TMEM178B: variants seen among roughly 807,000 people sequenced by gnomAD.
TMEM178B encodes the protein transmembrane protein 178B.
In TMEM178B, 5 loss-of-function variants were observed where a neutral mutation model predicts 31.0. The ratio of observed to expected loss-of-function variants is 0.16; its 90% confidence interval spans 0.08 to 0.34. TMEM178B has a LOEUF of 0.34. TMEM178B is among the 10% of genes least tolerant of loss of function. TMEM178B has a pLI of 1.00. For missense variants in TMEM178B, 275 were observed against 400.3 expected (o/e 0.69, Z 2.67); for synonymous variants, 164 against 164.0 (o/e 1.00, Z 0.00).
intron 2 of TMEM178B, among the ~76,000 whole-genome samples, chr7:141,369,081 C>T (rs560933628): frequency 1.4e-4 from 21 of 152,278 alleles, no homozygotes; most frequent in African/African-American, 4.6e-4. Flanking sequence ...GTTTGCAAGC[C>T]ATGGAAAGAA....
In TMEM178B at chr7:141,476,419, G is replaced by A. The variant is rs1195113364; in HGVS notation, c.*5633G>A. ...GCTAAACCAGTTAACTGTTAACCAA[G>A]GCACATGGTCAATGCCTTAGTATTT... On this transcript the variant is annotated 3_prime_UTR_variant, in exon 4 of 4. Transcript: ENST00000565468. 6.6e-6 allele frequency: 1 copy of A among 152,036 alleles called. No homozygotes were observed. Among genetic ancestry groups the A allele is most frequent in the Non-Finnish European group, 1.5e-5 (1 of 68,016 alleles). 9.4% of individuals were successfully genotyped at this position (152,036 alleles called of 1,614,324 possible).
In TMEM178B at chr7:141,470,764, C is replaced by A. The variant is rs1419089711; in HGVS notation, c.863C>A (p.Pro288His). The change falls in exon 4 of 4, where the codon CCC becomes CAC. Residue 288 changes from proline to histidine, a missense_variant. Coordinates refer to ENST00000565468, the MANE Select transcript of TMEM178B (RefSeq NM_001195278.2). Reference sequence around the variant, plus strand: ...AGGACCAACTACCCTAAATCCAGACCCGAGAATGGGACAGTGTGCTAAAAA... The same window carrying A: ...AGGACCAACTACCCTAAATCCAGACACGAGAATGGGACAGTGTGCTAAAAA... ...VPRTNYPKSR[P>H]ENGTVC 2 of 1,522,016 alleles carry A rather than the reference C, an allele frequency of 1.3e-6. No homozygotes were observed. Among genetic ancestry groups the A allele is most frequent in the Non-Finnish European group, 1.8e-6 (2 of 1,140,498 alleles). 94.3% of individuals were successfully genotyped at this position (1,522,016 alleles called of 1,614,324 possible).
chr7:141,218,210 C>T (rs1351396826), intron 2 of TMEM178B, among the ~76,000 whole-genome samples: 1 of 152,026 alleles, frequency 6.6e-6, no homozygotes, highest in Non-Finnish European at 1.5e-5. Context: ...CTCGCCTTCA[C>T]CAGCACAGTG....
At chr7:141,105,892 A>G (rs1384506374) in intron 1 of TMEM178B, among the ~76,000 whole-genome samples, 1 of 151,804 alleles carries the variant, frequency 6.6e-6, no homozygotes, top group Non-Finnish European at 1.5e-5. Context: ...CTCAGGAGTT[A>G]GAGACCAGCC....
intron 1 of TMEM178B, among the ~76,000 whole-genome samples, chr7:141,097,961 T>C (rs181798744): frequency 3.4e-4 from 51 of 151,938 alleles, no homozygotes; most frequent in African/African-American, 1.0e-3. Context: ...CTGGCTAATT[T>C]TTGTATTTTT....
the TMEM178B span, among the ~76,000 whole-genome samples, chr7:141,489,967 G>T: frequency 2.8e-4 from 43 of 152,338 alleles, no homozygotes; most frequent in South Asian, 7.9e-3. Flanking sequence ...TTGCTCATTT[G>T]TATAGGGGTT....
intron 1 of TMEM178B, among the ~76,000 whole-genome samples, chr7:141,132,831 A>T (rs1198135652): frequency 6.6e-6 from 1 of 152,210 alleles, no homozygotes; most frequent in Non-Finnish European, 1.5e-5. Flanking sequence ...TTGGGATCCA[A>T]GGACTGACAA....
At chr7:141,270,557 T>C (rs1408823283) in intron 2 of TMEM178B, among the ~76,000 whole-genome samples, 1 of 152,230 alleles carries the variant, frequency 6.6e-6, no homozygotes, top group Non-Finnish European at 1.5e-5. Context: ...GTTGTTTCAC[T>C]ACCTTGAATG....
chr7:141,432,841 A>T (rs1444681051), intron 2 of TMEM178B, among the ~76,000 whole-genome samples: 2 of 152,032 alleles, frequency 1.3e-5, no homozygotes, highest in African/African-American at 4.8e-5. Flanking sequence ...CACTGAGTGA[A>T]CCCCAGTTCA....
chr7:141,185,485 C>T (rs1796596134), intron 1 of TMEM178B, among the ~76,000 whole-genome samples: 1 of 152,186 alleles, frequency 6.6e-6, no homozygotes, highest in Non-Finnish European at 1.5e-5. Flanking sequence ...AGGTCAGTGG[C>T]CTGCTGGCAT....
intron 1 of TMEM178B, among the ~76,000 whole-genome samples, chr7:141,095,237 G>C (rs1794938639): frequency 6.6e-6 from 1 of 152,212 alleles, no homozygotes; most frequent in South Asian, 2.1e-4. Context: ...AGTGGAGCAG[G>C]TGGTGTATCA....
chr7:141,364,810 G>T (rs1799976177), intron 2 of TMEM178B, among the ~76,000 whole-genome samples: 1 of 152,158 alleles, frequency 6.6e-6, no homozygotes, highest in Non-Finnish European at 1.5e-5. Flanking sequence ...AATTCCCTCA[G>T]CCTCTGCGTG....
At chr7:141,157,601 C>G (rs117553366) in intron 1 of TMEM178B, among the ~76,000 whole-genome samples, 217 of 152,226 alleles carry the variant, frequency 1.4e-3, no homozygotes, top group East Asian at 6.8e-3. Context: ...CTCAGCAGCC[C>G]GACCCCAGGT....
chr7:141,380,170 C>G (rs1021176596), intron 2 of TMEM178B, among the ~76,000 whole-genome samples: 4 of 152,140 alleles, frequency 2.6e-5, no homozygotes, highest in Non-Finnish European at 2.9e-5. Context: ...ATTAAAGTCC[C>G]CACACATTGG....
intron 1 of TMEM178B, among the ~76,000 whole-genome samples, chr7:141,138,948 C>T (rs1795721637): frequency 6.6e-6 from 1 of 151,038 alleles, no homozygotes; most frequent in Non-Finnish European, 1.5e-5. Flanking sequence ...CGCGCCACCG[C>T]AGTCCAGCCT....
chr7:141,313,250 T>C (rs766935793), intron 2 of TMEM178B, among the ~76,000 whole-genome samples: 2 of 152,154 alleles, frequency 1.3e-5, no homozygotes, highest in Non-Finnish European at 2.9e-5. Flanking sequence ...TAATAGAAGA[T>C]TTTGCCATGA....
At chr7:141,356,482 C>G (rs1220928530) in intron 2 of TMEM178B, among the ~76,000 whole-genome samples, 1 of 151,850 alleles carries the variant, frequency 6.6e-6, no homozygotes, top group Non-Finnish European at 1.5e-5. Flanking sequence ...CAGTGTGGAG[C>G]ATTTTTTCAT....
chr7:141,382,259 A>G (rs1247410005), intron 2 of TMEM178B, among the ~76,000 whole-genome samples: 7 of 152,140 alleles, frequency 4.6e-5, no homozygotes, highest in African/African-American at 1.7e-4. Context: ...ATTATGAATC[A>G]TTAGGCACTG....
At chr7:141,128,853 C>T (rs1303756240) in intron 1 of TMEM178B, among the ~76,000 whole-genome samples, 2 of 152,062 alleles carry the variant, frequency 1.3e-5, no homozygotes, top group African/African-American at 4.8e-5. Flanking sequence ...AAACAAGGAG[C>T]CTTCCAGGAT....
Sources: allele counts gnomAD v4.1 joint callset (sites outside exome capture counted in the v4.1 genomes callset), GRCh38; gene constraint gnomAD v4.1.1; transcripts MANE v1.5; gene names NCBI Gene and HGNC (gene_info 2026-07-23, HGNC 2026-07-21).